Variants in INSL6 observed in about 807,000 individuals in gnomAD.
INSL6 encodes insulin-like peptide INSL6.
Under a neutral mutation model 9.4 loss-of-function variants are expected in INSL6, and 16 were observed. The observed-to-expected ratio is 1.70, with a 90% CI of 1.15 to 2.59. The LOEUF (loss-of-function observed/expected upper bound fraction) is 2.59, where lower values mean the gene tolerates loss of function less well. Among genes scored for constraint, INSL6 ranks in the 30% most tolerant of loss-of-function variants. The pLI is 0.00. For synonymous variants in INSL6, 154 were observed against 96.9 expected (o/e 1.59, Z -3.46); for missense variants, 391 against 257.3 (o/e 1.52, Z -3.56).
chr9:5,125,034 A>G (rs575991357), intron 3 of INSL6, among the ~76,000 whole-genome samples: 2 of 151,578 alleles, frequency 1.3e-5, no homozygotes, highest in South Asian at 4.1e-4. Context: ...GAATTATTGC[A>G]TAAGTTAAAA....
At chr9:5,068,991 C>T in the INSL6 span, 1 of 1,266,840 alleles carries the variant, frequency 7.9e-7, no homozygotes, top group Non-Finnish European at 1.1e-6. Context: ...TGTGACTATC[C>T]CTCCCTTTCT....
At chr9:5,134,707 C>T (rs1824358850) in intron 2 of INSL6, among the ~76,000 whole-genome samples, 1 of 152,160 alleles carries the variant, frequency 6.6e-6, no homozygotes, top group Non-Finnish European at 1.5e-5. Flanking sequence ...ATGGAAGGAA[C>T]AACCGGTACC....
At chr9:5,101,971 T>A in the INSL6 span, among the ~76,000 whole-genome samples, 2 of 152,010 alleles carry the variant, frequency 1.3e-5, no homozygotes, top group African/African-American at 4.8e-5. Context: ...AGCTGAAAAT[T>A]CTAAAAACCA....
chr9:5,156,500 T>C (rs1025911425), intron 2 of INSL6, among the ~76,000 whole-genome samples: 8 of 152,118 alleles, frequency 5.3e-5, no homozygotes, highest in African/African-American at 1.7e-4. Context: ...TTTCCATATA[T>C]GCAGAAAAAG....
At chr9:5,081,920 G>A in the INSL6 span, 1 of 1,398,916 alleles carries the variant, frequency 7.1e-7, no homozygotes, top group Non-Finnish European at 1.0e-6. Context: ...AAAAACTTAA[G>A]AGCGTTTCTA....
At chr9:5,164,706 G>A (rs937198114) in intron 1 of INSL6, among the ~76,000 whole-genome samples, 1 of 152,138 alleles carries the variant, frequency 6.6e-6, no homozygotes. Flanking sequence ...TGCCTATTCC[G>A]TATATTTCAT....
chr9:5,021,962 G>A, the INSL6 span: 1 of 1,548,464 alleles, frequency 6.5e-7, no homozygotes, highest in East Asian at 2.2e-5. Flanking sequence ...TTCTCTTACA[G>A]GCAAATGTTC....
chr9:5,166,113 G>T (rs1366466083), intron 1 of INSL6, among the ~76,000 whole-genome samples: 1 of 152,192 alleles, frequency 6.6e-6, no homozygotes, highest in South Asian at 2.1e-4. Context: ...AAGCTAGAAG[G>T]ATTCTATGAG....
chr9:5,096,417 G>A, the INSL6 span, among the ~76,000 whole-genome samples: 181 of 152,198 alleles, frequency 1.2e-3, 1 homozygote, highest in South Asian at 0.012. Context: ...TTGCTAGATC[G>A]GTGGAATTCA....
chr9:5,115,048 C>G, the INSL6 span, among the ~76,000 whole-genome samples: 1 of 152,144 alleles, frequency 6.6e-6, no homozygotes, highest in African/African-American at 2.4e-5. Context: ...GCAATGGCAA[C>G]AAAAGCCAAA....
chr9:5,164,707 T>C (rs1050930031), intron 1 of INSL6, among the ~76,000 whole-genome samples: 4 of 152,234 alleles, frequency 2.6e-5, no homozygotes, highest in African/African-American at 7.2e-5. Context: ...GCCTATTCCG[T>C]ATATTTCATA....
intron 1 of INSL6, among the ~76,000 whole-genome samples, chr9:5,170,742 A>C (rs1025949500): frequency 6.6e-6 from 1 of 152,072 alleles, no homozygotes; most frequent in Non-Finnish European, 1.5e-5. Flanking sequence ...AAATCTAGAC[A>C]CAATGGATAA....
the INSL6 span, chr9:5,081,897 C>G: frequency 9.7e-6 from 15 of 1,544,330 alleles, no homozygotes; most frequent in East Asian, 1.3e-4. Flanking sequence ...AGAGTATAAT[C>G]ATTTCATTTA....
At chr9:5,110,264 A>G in the INSL6 span, 1 of 152,202 alleles carries the variant, frequency 6.6e-6, no homozygotes, top group Non-Finnish European at 1.5e-5. Context: ...ACCCTTTAAT[A>G]GAAAATAACC....
At chr9:5,018,736 G>C in the INSL6 span, among the ~76,000 whole-genome samples, 1 of 152,168 alleles carries the variant, frequency 6.6e-6, no homozygotes, top group African/African-American at 2.4e-5. Context: ...GCTTGCCTCA[G>C]AAAAACTATT....
chr9:5,185,565 C>T lies in INSL6; in HGVS notation c.38G>A (p.Gly13Glu), dbSNP rs747364118. ...RLLRLSLLWL[G>E]LLLVRFSREL... ...ACGAGAAAACCGAACCAGCAGGAGT[C>T]CAAGCCACAGCAGGGACAAGCGGAG... Residue 13 changes from glycine to glutamate, a missense_variant, in exon 1 of 2, where the codon GGA becomes GAA. By Grantham distance (98) the Gly-to-Glu change is moderately conservative. Transcript: ENST00000381641. The T allele has an allele frequency of 1.2e-6, 2 of 1,613,810 alleles. No individual in the cohort carries two copies. Among genetic ancestry groups the T allele is most frequent in the Non-Finnish European group, 8.5e-7 (1 of 1,179,964 alleles).
chr9:5,120,788 C>T (rs1453749305), downstream of INSL6, among the ~76,000 whole-genome samples: 1 of 152,132 alleles, frequency 6.6e-6, no homozygotes, highest in African/African-American at 2.4e-5. Flanking sequence ...GGTCATTAGA[C>T]ACTGGAGTGA....
chr9:5,070,240 T>C, the INSL6 span, among the ~76,000 whole-genome samples: 5 of 152,084 alleles, frequency 3.3e-5, no homozygotes, highest in African/African-American at 1.2e-4. Context: ...ATCTTAATTA[T>C]CCTAAGAATG....
At chr9:5,173,173 T>C (rs1019826290) in intron 1 of INSL6, among the ~76,000 whole-genome samples, 3 of 152,204 alleles carry the variant, frequency 2.0e-5, no homozygotes, top group Non-Finnish European at 4.4e-5. Flanking sequence ...TTGGTGGGAA[T>C]GTAAATTAGT....
Sources: allele counts gnomAD v4.1 joint callset (sites outside exome capture counted in the v4.1 genomes callset), GRCh38; gene constraint gnomAD v4.1.1; transcripts MANE v1.5; gene names NCBI Gene and HGNC (gene_info 2026-07-23, HGNC 2026-07-21).